CBFA2T3: variants seen among roughly 807,000 people sequenced by gnomAD.
CBFA2T3 encodes CBFA2/RUNX1 partner transcriptional co-repressor 3, also known as transcriptional corepressor CBFA2T3.
In CBFA2T3, 31 loss-of-function variants were observed where a neutral mutation model predicts 58.6. The ratio of observed to expected loss-of-function variants is 0.53; its 90% confidence interval spans 0.40 to 0.71. The LOEUF (loss-of-function observed/expected upper bound fraction) is 0.71, where lower values mean the gene tolerates loss of function less well. CBFA2T3 is among the 30% of genes least tolerant of loss of function. CBFA2T3 has a pLI of 0.00. For synonymous variants in CBFA2T3, 531 were observed against 421.9 expected, an observed-to-expected ratio of 1.26 and a Z score of -3.17; for missense variants, 1,076 against 963.1, an observed-to-expected ratio of 1.12 and a Z score of -1.55.
At chr16:88,929,558 C>T (rs916117254) in intron 1 of CBFA2T3, among the ~76,000 whole-genome samples, 4 of 152,254 alleles carry the variant, frequency 2.6e-5, no homozygotes, top group Admixed American at 2.0e-4. Flanking sequence ...GCATGGTCCA[C>T]GCAAAAGCTA....
At chr16:88,914,861 G>A (rs374473926) in intron 1 of CBFA2T3, among the ~76,000 whole-genome samples, 4 of 152,306 alleles carry the variant, frequency 2.6e-5, no homozygotes, top group African/African-American at 9.6e-5. Flanking sequence ...CCCCGTGGCC[G>A]CACACAAAGG....
At chr16:88,943,402 T>C (rs950455365) in intron 1 of CBFA2T3, among the ~76,000 whole-genome samples, 1 of 152,134 alleles carries the variant, frequency 6.6e-6, no homozygotes, top group African/African-American at 2.4e-5. Flanking sequence ...TCACAACCAT[T>C]TGAGGAGTGA....
rs150879448 is a variant in CBFA2T3, at chr16:88,885,055, G to A, written c.1108C>T (p.Arg370Trp). ...CCACCGGGCTGCTCACCAAGCGGCC[G>A]ATGGCGCTCTCGTAGCTCCCGGGGG... Reference protein sequence around the residue: ...PDPRELRERHRPLVVPGSRQE... With the variant: ...PDPRELRERHWPLVVPGSRQE... Residue 370 changes from arginine to tryptophan, a missense_variant, in exon 7 of 12, where the codon CGG becomes TGG. By Grantham distance (101) the Arg-to-Trp change is moderately radical. Transcript: ENST00000268679. This position sits in a 1 kb window ranked among gnomAD's most constrained non-coding sequence, Gnocchi z 5.3. The A allele has an allele frequency of 2.4e-5, 39 of 1,598,068 alleles. No homozygotes were observed. Among genetic ancestry groups the A allele is most frequent in the Admixed American group, 1.2e-4 (7 of 59,648 alleles).
At chr16:88,961,500 C>A (rs71395359) in intron 1 of CBFA2T3, among the ~76,000 whole-genome samples, 85 of 118,360 alleles carry the variant, frequency 7.2e-4, no homozygotes, top group South Asian at 2.0e-3. Context: ...AGTAACCGAC[C>A]CTCAGCGCTG....
In CBFA2T3 at chr16:88,917,049, A is replaced by G. The variant is rs527781317; in HGVS notation, c.152-15393T>C. Among the ~76,000 whole-genome samples, 3 of 150,354 alleles carry G rather than the reference A, an allele frequency of 2.0e-5. No homozygotes were observed. The East Asian group carries it at 5.8e-4, about 29-fold the overall frequency. ...AGATCCCACCACTGCACTCCAGCCT[A>G]GGTGACACCGTGACTCTGTCTCAAA... is the stretch of plus-strand genomic sequence containing the variant. On this transcript the variant is annotated intron_variant, in intron 1 of 11. Transcript: ENST00000268679.
intron 1 of CBFA2T3, among the ~76,000 whole-genome samples, chr16:88,952,340 G>A (rs751001274): frequency 1.3e-5 from 2 of 151,946 alleles, no homozygotes; most frequent in Non-Finnish European, 2.9e-5. Context: ...GGGGCACTGA[G>A]ACGGCTTTCA....
At chr16:88,895,560 G>GGGCACAGT (rs1355352849) in intron 3 of CBFA2T3, among the ~76,000 whole-genome samples, 2 of 152,154 alleles carry the variant, frequency 1.3e-5, no homozygotes, top group African/African-American at 2.4e-5. Context: ...AAACAGCGCT[G>GGGCACAGT]GGCACAGTGG....
Position 88,885,068 on chromosome 16 carries a change from T to C in CBFA2T3, c.1095A>G (p.Leu365=), listed in dbSNP as rs780369396. Residue 365 remains leucine (L), a synonymous_variant, in exon 7 of 12, where the codon CTA becomes CTG. Coordinates refer to ENST00000268679, the MANE Select transcript of CBFA2T3 (RefSeq NM_005187.6). This position sits in a 1 kb window ranked among gnomAD's most constrained non-coding sequence, Gnocchi z 5.3. ...CACCAAGCGGCCGATGGCGCTCTCGTAGCTCCCGGGGGTCTGGGTGGCGGT... is the reference window on the plus strand; with the variant it reads ...CACCAAGCGGCCGATGGCGCTCTCGCAGCTCCCGGGGGTCTGGGTGGCGGT... ...DAYRHPDPRE[L]RERHRPLVVP... is the part of the protein sequence containing the mutation. The C allele has an allele frequency of 3.7e-6, 6 of 1,600,512 alleles. No individual in the cohort carries two copies. Among genetic ancestry groups the C allele is most frequent in the Non-Finnish European group, 5.1e-6 (6 of 1,177,256 alleles).
intron 5 of CBFA2T3, among the ~76,000 whole-genome samples, 159 bp downstream of exon 5, chr16:88,891,723 G>A: frequency 6.6e-6 from 1 of 151,996 alleles, no homozygotes; most frequent in Non-Finnish European, 1.5e-5. Flanking sequence ...CAGGGTCCCA[G>A]GTTGGCCAAG....
At chr16:88,928,554 C>G (rs867331216) in intron 1 of CBFA2T3, among the ~76,000 whole-genome samples, 5 of 152,206 alleles carry the variant, frequency 3.3e-5, no homozygotes, top group African/African-American at 1.2e-4. Context: ...TCTTCCAGCA[C>G]CCAGTGAGGG....
intron 1 of CBFA2T3, among the ~76,000 whole-genome samples, chr16:88,930,958 T>G (rs922690977): frequency 6.6e-6 from 1 of 151,924 alleles, no homozygotes; most frequent in African/African-American, 2.4e-5. Flanking sequence ...GTGAGTGCAC[T>G]AAGTGCTACT....
At chr16:88,954,220 G>T (rs1972148361) in intron 1 of CBFA2T3, among the ~76,000 whole-genome samples, 1 of 152,102 alleles carries the variant, frequency 6.6e-6, no homozygotes, top group Non-Finnish European at 1.5e-5. Context: ...ACCACAACAG[G>T]CACCCTGACC....
Position 88,876,426 on chromosome 16 carries a change from T to C in CBFA2T3, c.*550A>G, listed in dbSNP as rs1485481183. 4.3e-6 allele frequency: 1 copy of C among 230,490 alleles called. No homozygotes were observed. Among genetic ancestry groups the C allele is most frequent in the Non-Finnish European group, 8.6e-6 (1 of 116,394 alleles). 14.3% of individuals were successfully genotyped at this position (230,490 alleles called of 1,614,324 possible). A position where few individuals can be genotyped will look rare whatever the true frequency, so the allele number is the denominator to read the frequency against. On this transcript the variant is annotated 3_prime_UTR_variant, in exon 12 of 12. Transcript: ENST00000268679. Reference sequence around the variant, plus strand: ...GATCTCCAGCTATAAAATCGCAGTTTTCTTTCTCCCTTTTTAATCAGGAGG... The same window carrying C: ...GATCTCCAGCTATAAAATCGCAGTTCTCTTTCTCCCTTTTTAATCAGGAGG...
At chr16:88,914,301 G>T (rs982392780) in intron 1 of CBFA2T3, among the ~76,000 whole-genome samples, 4 of 152,234 alleles carry the variant, frequency 2.6e-5, no homozygotes, top group African/African-American at 9.6e-5. Flanking sequence ...GGGATCGGAG[G>T]CCTTGGGGAC....
chr16:88,892,762 G>A (rs904291609), intron 3 of CBFA2T3, among the ~76,000 whole-genome samples: 4 of 152,198 alleles, frequency 2.6e-5, no homozygotes, highest in African/African-American at 4.8e-5. Flanking sequence ...GGATTCCCAG[G>A]GAGGTGAAGC....
At position 88,967,190 on chromosome 16, in the gene CBFA2T3, C is replaced by T. The variant is rs559467960; in HGVS notation, c.151+9467G>A. On this transcript the variant is annotated intron_variant, in intron 1 of 11. Transcript: ENST00000268679. ...CCCCAGCCCCCGAGGTGCCACTCGG[C>T]CCCGACACGAGGCAGCGCCATGCCA... Among the ~76,000 whole-genome samples, 6 of 111,872 alleles carry T rather than the reference C, an allele frequency of 5.4e-5. No individual in the cohort carries two copies. In the South Asian group the frequency reaches 2.0e-3, roughly 36 times the overall value. The allele number at this position is 111,872 out of a possible 152,430, so 73.4% of individuals were successfully genotyped here. A position where few individuals can be genotyped will look rare whatever the true frequency, so the allele number is the denominator to read the frequency against.
chr16:88,975,208 GACCCTCT>G (rs1972811920), intron 1 of CBFA2T3, among the ~76,000 whole-genome samples: 2 of 108,204 alleles, frequency 1.8e-5, no homozygotes, highest in Non-Finnish European at 3.7e-5. Flanking sequence ...GGTCCACCCT[GACCCTCT>G]GCTCCTCACC....
At chr16:88,934,519 G>A (rs537072039) in intron 1 of CBFA2T3, among the ~76,000 whole-genome samples, 4 of 152,236 alleles carry the variant, frequency 2.6e-5, no homozygotes, top group South Asian at 2.1e-4. Context: ...ATCGGGGGGC[G>A]ACAGGCGAGG....
chr16:88,892,221 C>T, intron 4 of CBFA2T3, 23 bp downstream of exon 4: 1 of 1,599,224 alleles, frequency 6.3e-7, no homozygotes, highest in Admixed American at 1.7e-5. Flanking sequence ...TCCCAAGGCC[C>T]CGGCTGTCCC....
Sources: allele counts gnomAD v4.1 joint callset (sites outside exome capture counted in the v4.1 genomes callset), GRCh38; gene constraint gnomAD v4.1.1; non-coding constraint Gnocchi (gnomAD v3.1); transcripts MANE v1.5; gene names NCBI Gene and HGNC (gene_info 2026-07-23, HGNC 2026-07-21).